IGSF11: variants seen among roughly 807,000 people sequenced by gnomAD.
IGSF11 encodes the protein CXADR like 1.
Under a neutral mutation model 41.0 loss-of-function variants are expected in IGSF11, and 22 were observed. The ratio of observed to expected loss-of-function variants is 0.54; its 90% CI spans 0.38 to 0.77. The LOEUF is 0.77. Ranked by LOEUF, IGSF11 falls within the 30% of genes least tolerant of loss-of-function variation. The probability of loss-of-function intolerance (pLI) is 0.00; values close to 1 mark genes in which losing one functional copy is unlikely to be tolerated. For synonymous variants in IGSF11, 219 were observed against 201.3 expected, an observed-to-expected ratio of 1.09 and a Z score of -0.74; for missense variants, 444 against 530.8, an observed-to-expected ratio of 0.84 and a Z score of 1.61.
At chr3:119,040,038 T>C (rs1027155727) in intron 1 of IGSF11, among the ~76,000 whole-genome samples, 3 of 152,184 alleles carry the variant, frequency 2.0e-5, no homozygotes, top group African/African-American at 7.2e-5. Context: ...GGGGACTAGA[T>C]TGCCTTTGTA....
At chr3:118,924,106 C>T (rs1942080877) in intron 4 of IGSF11, among the ~76,000 whole-genome samples, 1 of 152,044 alleles carries the variant, frequency 6.6e-6, no homozygotes, top group Non-Finnish European at 1.5e-5. Flanking sequence ...ACAGCTTGCC[C>T]TTTGACCCCA....
intron 1 of IGSF11, among the ~76,000 whole-genome samples, chr3:118,999,497 A>G (rs1232678483): frequency 6.6e-6 from 1 of 152,178 alleles, no homozygotes; most frequent in East Asian, 1.9e-4. Flanking sequence ...TGTTCCATCA[A>G]TGGTTGAAAC....
At chr3:119,023,480 G>A (rs1286648749) in intron 1 of IGSF11, among the ~76,000 whole-genome samples, 1 of 152,012 alleles carries the variant, frequency 6.6e-6, no homozygotes, top group African/African-American at 2.4e-5. Context: ...AATATCAGAA[G>A]CCTGAACCAG....
At chr3:119,135,661 C>T (rs1291119537) in intron 1 of IGSF11, among the ~76,000 whole-genome samples, 1 of 152,100 alleles carries the variant, frequency 6.6e-6, no homozygotes, top group African/African-American at 2.4e-5. Flanking sequence ...GTGGCAATTC[C>T]TCAGGGATCT....
At chr3:118,989,682 G>T (rs1285400669) in intron 1 of IGSF11, among the ~76,000 whole-genome samples, 4 of 152,044 alleles carry the variant, frequency 2.6e-5, no homozygotes, top group African/African-American at 9.7e-5. Context: ...AGTAATTTTA[G>T]GTCTGTTGAA....
At chr3:118,961,322 C>T (rs1945317648) in intron 1 of IGSF11, among the ~76,000 whole-genome samples, 1 of 152,204 alleles carries the variant, frequency 6.6e-6, no homozygotes, top group Non-Finnish European at 1.5e-5. Context: ...CTGCTCTGCT[C>T]CAAAACTAGG....
intron 1 of IGSF11, among the ~76,000 whole-genome samples, chr3:119,140,603 C>T (rs2077630815): frequency 1.4e-5 from 2 of 141,366 alleles, no homozygotes; most frequent in Admixed American, 7.1e-5. Flanking sequence ...TTAACTAACA[C>T]TATAAATCAA....
At chr3:119,058,619 G>T (rs552210598) in intron 1 of IGSF11, among the ~76,000 whole-genome samples, 1 of 152,100 alleles carries the variant, frequency 6.6e-6, no homozygotes, top group East Asian at 1.9e-4. Context: ...CCATCCCATT[G>T]CTGGGTATGT....
chr3:119,029,209 C>T (rs1054082960), intron 1 of IGSF11, among the ~76,000 whole-genome samples: 15 of 141,818 alleles, frequency 1.1e-4, no homozygotes, highest in Middle Eastern at 3.4e-3. Context: ...CACACACACA[C>T]GGTAGACATG....
chr3:119,075,403 G>A (rs1415113057), intron 1 of IGSF11, among the ~76,000 whole-genome samples: 1 of 151,974 alleles, frequency 6.6e-6, no homozygotes, highest in African/African-American at 2.4e-5. Flanking sequence ...AGAAGTAAAA[G>A]AAGATCTGGT....
intron 1 of IGSF11, among the ~76,000 whole-genome samples, chr3:119,111,962 A>T (rs2077170666): frequency 1.3e-5 from 2 of 152,164 alleles, no homozygotes; most frequent in South Asian, 4.1e-4. Flanking sequence ...GTTTTGTCTC[A>T]GAGGAGTACC....
chr3:118,970,276 C>T lies in IGSF11; in HGVS notation c.53-40001G>A, dbSNP rs1933237385. The stretch of plus-strand genomic sequence containing the variant: ...TTGTCTTTTCCTGAAAAAAATAATT[C>T]CTATTTCCAAACAAAAGGGAAGGTA... On this transcript the variant is annotated intron_variant, in intron 1 of 6. Coordinates refer to ENST00000393775, the MANE Select transcript of IGSF11 (RefSeq NM_001015887.3). Among the ~76,000 whole-genome samples, 3 of 152,128 alleles carry T rather than the reference C, an allele frequency of 2.0e-5. No individual in the cohort carries two copies. In the South Asian group the frequency reaches 6.2e-4, roughly 32 times the overall value.
At chr3:118,905,762 T>A (rs1307264865) in intron 4 of IGSF11, 44 bp from the exon 5 acceptor site, 16 of 1,607,680 alleles carry the variant, frequency 1.0e-5, no homozygotes, top group Non-Finnish European at 1.3e-5. Context: ...GCGGGACTAA[T>A]AGCAAAACCA....
intron 1 of IGSF11, among the ~76,000 whole-genome samples, chr3:119,058,784 C>G (rs1166483149): frequency 1.3e-5 from 2 of 152,128 alleles, no homozygotes; most frequent in East Asian, 3.8e-4. Flanking sequence ...CCATGGAATA[C>G]TATGCAGCCA....
At chr3:118,937,474 T>C (rs1459445578) in intron 1 of IGSF11, among the ~76,000 whole-genome samples, 4 of 152,194 alleles carry the variant, frequency 2.6e-5, no homozygotes, top group Admixed American at 6.5e-5. Context: ...CCTTTATACT[T>C]ACCATATAAT....
chr3:118,905,691 C>T lies in IGSF11; in HGVS notation c.608G>A (p.Arg203Gln), dbSNP rs755943091. ...QDQVQGTVTI[R>Q]NISALSSGLY... The stretch of plus-strand genomic sequence containing the variant: ...ACCTGAAGACAGGGCACTGATGTTC[C>T]GGATGGTGACTGTTCCCTGGACCTG... Residue 203 changes from arginine to glutamine, a missense_variant, in exon 5 of 7, where the codon CGG becomes CAG. Physicochemically the swap from Arg to Gln is conservative, Grantham distance 43. Coordinates refer to ENST00000393775, the MANE Select transcript of IGSF11 (RefSeq NM_001015887.3). 1.7e-5 allele frequency: 28 copies of T among 1,613,638 alleles called. No individual in the cohort carries two copies. The highest frequency in any genetic ancestry group is 2.3e-5 in the Non-Finnish European group (27 of 1,179,774).
At chr3:119,072,167 A>G (rs1319501166) in intron 1 of IGSF11, among the ~76,000 whole-genome samples, 1 of 152,226 alleles carries the variant, frequency 6.6e-6, no homozygotes, top group African/African-American at 2.4e-5. Flanking sequence ...TAAGTTCACT[A>G]TATTTAATTT....
chr3:119,027,049 T>C (rs930947424), intron 1 of IGSF11, among the ~76,000 whole-genome samples: 1 of 152,168 alleles, frequency 6.6e-6, no homozygotes, highest in Non-Finnish European at 1.5e-5. Flanking sequence ...ATCTCAGTGG[T>C]CATATTGATA....
At chr3:118,977,288 GC>G (rs1374668045) in intron 1 of IGSF11, among the ~76,000 whole-genome samples, 2 of 152,140 alleles carry the variant, frequency 1.3e-5, no homozygotes, top group Non-Finnish European at 2.9e-5. Context: ...TATTTCTGTT[GC>G]CCTCAGACAG....
Sources: allele counts gnomAD v4.1 joint callset (sites outside exome capture counted in the v4.1 genomes callset), GRCh38; gene constraint gnomAD v4.1.1; transcripts MANE v1.5; gene names NCBI Gene and HGNC (gene_info 2026-07-23, HGNC 2026-07-21).